CPED1: variants seen among roughly 807,000 people sequenced by gnomAD.
The protein encoded by CPED1 is cadherin-like and PC-esterase domain-containing protein 1.
Under a neutral mutation model 128.2 loss-of-function variants are expected in CPED1, and 114 were observed. The ratio of observed to expected loss-of-function variants is 0.89; its 90% CI spans 0.76 to 1.04. CPED1 has a LOEUF of 1.04. CPED1 is among the 50% of genes least tolerant of loss of function. CPED1 has a pLI of 0.00. For synonymous variants in CPED1, 462 were observed against 426.7 expected, an observed-to-expected ratio of 1.08 and a Z score of -1.02; for missense variants, 1,211 against 1,207.1, an observed-to-expected ratio of 1.00 and a Z score of -0.05.
chr7:121,176,662 G>T (rs1584571367), intron 16 of CPED1, among the ~76,000 whole-genome samples: 1 of 151,994 alleles, frequency 6.6e-6, no homozygotes, highest in East Asian at 1.9e-4. Context: ...AAACTCCCCT[G>T]AAGAGGACCA....
chr7:121,087,682 G>GTTTTTTT (rs1794466437), intron 5 of CPED1, among the ~76,000 whole-genome samples: 13 of 111,568 alleles, frequency 1.2e-4, no homozygotes, highest in African/African-American at 1.2e-4. Flanking sequence ...TTTTTTTTTG[G>GTTTTTTT]CAGAGTCTTT....
At chr7:121,045,947 T>C (rs748668538) in intron 3 of CPED1, among the ~76,000 whole-genome samples, 4 of 152,152 alleles carry the variant, frequency 2.6e-5, no homozygotes, top group Non-Finnish European at 5.9e-5. Context: ...GTGTTTACCA[T>C]GCTCTCAAGG....
chr7:121,221,480 G>C (rs895021870), intron 16 of CPED1, among the ~76,000 whole-genome samples: 8 of 152,322 alleles, frequency 5.3e-5, no homozygotes, highest in African/African-American at 9.6e-5. Flanking sequence ...TATATACCCA[G>C]TAATGGGATT....
At chr7:121,076,589 A>G (rs1435631047) in intron 5 of CPED1, 5 of 152,112 alleles carry the variant, frequency 3.3e-5, no homozygotes, top group African/African-American at 1.2e-4. Context: ...GTATTCGTTC[A>G]CCTTTCATTT....
intron 16 of CPED1, among the ~76,000 whole-genome samples, chr7:121,166,109 TG>T (rs1796516882): frequency 6.7e-6 from 1 of 148,338 alleles, no homozygotes; most frequent in Non-Finnish European, 1.5e-5. Context: ...CACAAGGGCC[TG>T]AGTGCATGGC....
At chr7:121,064,984 C>A (rs1290687294) in intron 5 of CPED1, among the ~76,000 whole-genome samples, 1 of 152,106 alleles carries the variant, frequency 6.6e-6, no homozygotes, top group Non-Finnish European at 1.5e-5. Flanking sequence ...AGTTTATGTC[C>A]CCAGAAAGTT....
chr7:121,077,179 C>G (rs1794149443), intron 5 of CPED1, among the ~76,000 whole-genome samples: 1 of 152,168 alleles, frequency 6.6e-6, no homozygotes, highest in Non-Finnish European at 1.5e-5. Flanking sequence ...GGTATATTTT[C>G]TACCCCCACT....
intron 16 of CPED1, among the ~76,000 whole-genome samples, chr7:121,210,483 A>C (rs1797619176): frequency 6.6e-6 from 1 of 152,068 alleles, no homozygotes; most frequent in Admixed American, 6.6e-5. Flanking sequence ...CATAAAAAAG[A>C]ATTAAATCCT....
Position 121,015,652 on chromosome 7 carries a change from C to G in CPED1, c.250-13C>G, listed in dbSNP as rs938651503. The G allele has an allele frequency of 5.7e-6, 9 of 1,589,848 alleles. No individual in the cohort carries two copies. In the Admixed American group the frequency reaches 7.4e-5, roughly 13 times the overall value. ...ACTTTTTTATATTGAATTTTTATGC[C>G]TTCTTTTCTTAGGTCAAAGAATCAA... On this transcript the variant is annotated splice_polypyrimidine_tract_variant and intron_variant, in intron 2 of 22. Transcript: ENST00000310396.
chr7:121,031,981 T>C (rs1792745287), intron 3 of CPED1, among the ~76,000 whole-genome samples: 1 of 152,136 alleles, frequency 6.6e-6, no homozygotes. Flanking sequence ...CTAAAATTAG[T>C]GATATCACCT....
intron 22 of CPED1, among the ~76,000 whole-genome samples, chr7:121,281,054 G>A (rs79566216): frequency 6.6e-6 from 1 of 152,206 alleles, no homozygotes; most frequent in African/African-American, 2.4e-5. Context: ...ATCCAGTATA[G>A]GACAATTTTG....
chr7:121,004,881 G>T (rs960759924), intron 2 of CPED1, among the ~76,000 whole-genome samples: 1 of 152,118 alleles, frequency 6.6e-6, no homozygotes, highest in Non-Finnish European at 1.5e-5. Context: ...ATTAACAAAT[G>T]GACTAATTTC....
At chr7:121,076,031 C>G (rs1794116795) in intron 5 of CPED1, among the ~76,000 whole-genome samples, 1 of 152,128 alleles carries the variant, frequency 6.6e-6, no homozygotes, top group South Asian at 2.1e-4. Context: ...GAGGGTGGGA[C>G]ATTATTTTTT....
intron 16 of CPED1, among the ~76,000 whole-genome samples, chr7:121,155,696 AAAATC>A: frequency 6.6e-6 from 1 of 152,346 alleles, no homozygotes; most frequent in South Asian, 2.1e-4. Flanking sequence ...CTCATATGCA[AAAATC>A]AAATCAAAAT....
rs144376264 is a variant in CPED1 at position 121,113,263 on chromosome 7, A to C, written c.919-11068A>C. Among the ~76,000 whole-genome samples, 1,010 of 152,270 alleles carry C rather than the reference A, an allele frequency of 6.6e-3. 9 individuals carry two copies. The highest frequency in any genetic ancestry group is 0.023 in the African/African-American group (937 of 41,542). ...TCCCTACTATGTGCTGGGCCATGTG[A>C]AGAAAGACTCAAAGAGAAATACTGG... On this transcript the variant is annotated intron_variant, in intron 7 of 22. Coordinates refer to ENST00000310396, the MANE Select transcript of CPED1 (RefSeq NM_024913.5).
chr7:121,268,772 C>T lies in CPED1; in HGVS notation c.2721+1470C>T, dbSNP rs151227262. On this transcript the variant is annotated intron_variant, in intron 21 of 22. Transcript: ENST00000310396. ...CCTTTGAAATAAATCCCTGCTGCTT[C>T]TACTTGGAGTTAACTCCTCCACCAC... Among the ~76,000 whole-genome samples, 5 of 152,024 alleles carry T rather than the reference C, an allele frequency of 3.3e-5. No individual in the cohort carries two copies. In the East Asian group the frequency reaches 9.8e-4, roughly 30 times the overall value.
At chr7:121,232,193 T>C (rs937045399) in intron 16 of CPED1, among the ~76,000 whole-genome samples, 1 of 152,140 alleles carries the variant, frequency 6.6e-6, no homozygotes, top group Non-Finnish European at 1.5e-5. Flanking sequence ...TCCCACAAAG[T>C]CGCAGGGCAA....
At position 121,246,191 on chromosome 7, in the gene CPED1, A is replaced by G. The variant is rs1196607013; in HGVS notation, c.2310+1853A>G. 2.6e-5 allele frequency among the ~76,000 whole-genome samples: 4 copies of G among 152,310 alleles called. No homozygotes were observed. The East Asian group carries it at 7.7e-4, about 29-fold the overall frequency. Reference sequence around the variant, plus strand: ...AGTCTATTAACCTGAAAAGCAGTAGATGTTCATTTAAGTTCATCACTAAAT... The same window carrying G: ...AGTCTATTAACCTGAAAAGCAGTAGGTGTTCATTTAAGTTCATCACTAAAT... On this transcript the variant is annotated intron_variant, in intron 18 of 22. Coordinates refer to ENST00000310396, the MANE Select transcript of CPED1 (RefSeq NM_024913.5).
chr7:121,208,566 T>C (rs1039024642), intron 16 of CPED1, among the ~76,000 whole-genome samples: 8 of 152,048 alleles, frequency 5.3e-5, no homozygotes, highest in African/African-American at 1.7e-4. Context: ...GTTGGATTTG[T>C]ACAGGGTCAC....
Sources: gnomAD v4.1 joint callset for allele counts (sites outside exome capture counted in the v4.1 genomes callset) on GRCh38, gnomAD v4.1.1 for gene constraint, MANE v1.5 for transcripts, NCBI Gene and HGNC (gene_info 2026-07-23, HGNC 2026-07-21) for gene names.